Variants in TCF20 observed in about 807,000 individuals in gnomAD.
TCF20 encodes SPRE-binding protein.
In TCF20, 3 loss-of-function variants were observed where a neutral mutation model predicts 148.6. The ratio of observed to expected loss-of-function variants is 0.02; its 90% CI spans 0.01 to 0.05. TCF20 has a LOEUF of 0.05. TCF20 is among the 10% of genes least tolerant of loss of function. The probability of loss-of-function intolerance (pLI) is 1.00; values close to 1 mark genes in which losing one functional copy is unlikely to be tolerated. For synonymous variants in TCF20, 1,049 were observed against 909.5 expected, an observed-to-expected ratio of 1.15 and a Z score of -2.76; for missense variants, 2,350 against 2,429.3, an observed-to-expected ratio of 0.97 and a Z score of 0.69.
intron 1 of TCF20, among the ~76,000 whole-genome samples, chr22:42,218,204 G>A (rs762562874): frequency 1.5e-4 from 23 of 152,204 alleles, no homozygotes; most frequent in South Asian, 2.1e-4. Flanking sequence ...AAAGCTCCTA[G>A]GCAGCAGGGC....
At chr22:42,315,942 C>T (rs751703545) in intron 1 of TCF20, among the ~76,000 whole-genome samples, 1 of 151,732 alleles carries the variant, frequency 6.6e-6, no homozygotes, top group African/African-American at 2.4e-5. Flanking sequence ...GGTGAAATCC[C>T]GTCTCTATTA....
chr22:42,252,939 TAACA>T (rs944249727), intron 1 of TCF20, among the ~76,000 whole-genome samples: 4 of 152,080 alleles, frequency 2.6e-5, no homozygotes, highest in African/African-American at 9.6e-5. Context: ...GTCAAATGTT[TAACA>T]AAAATAAAAT....
rs1921072304 is a variant in TCF20 at position 42,212,441 on chromosome 22, G to A, written c.2865C>T (p.Ser955=). Residue 955 remains serine, a synonymous_variant, in exon 2 of 6, where the codon AGC becomes AGT. Coordinates refer to ENST00000677622, the MANE Select transcript of TCF20 (RefSeq NM_001378418.1). The stretch of plus-strand genomic sequence containing the variant: ...TGCCGCGGTAAGACTCATGCTTGAT[G>A]CTAGGAGGATGGCAGTGGTCTCCAG... ...KKSGDHCHPP[S]IKHESYRGNA... The A allele has an allele frequency of 2.5e-6, 4 of 1,614,248 alleles. No individual in the cohort carries two copies. The highest frequency in any genetic ancestry group is 3.4e-6 in the Non-Finnish European group (4 of 1,180,050).
At chr22:42,252,809 T>C (rs1239374260) in intron 1 of TCF20, among the ~76,000 whole-genome samples, 1 of 152,184 alleles carries the variant, frequency 6.6e-6, no homozygotes, top group Non-Finnish European at 1.5e-5. Context: ...TTTAAACGTA[T>C]ATAATTATCC....
chr22:42,290,626 AGAG>A lies in TCF20; in HGVS notation c.-37+52850_-37+52852del, dbSNP rs768781804. On this transcript the variant is annotated intron_variant, in intron 1 of 1. Coordinates refer to the TCF20 transcript ENST00000515426. The surrounding 1 kb of genome is among the most constrained non-coding windows in gnomAD (Gnocchi z 4.2). The stretch of plus-strand genomic sequence containing the variant: ...AGGCTTCTGGTTTCTGGAGGGTACC[AGAG>A]GAGAAGGAGCGCGTGCCCCTGAGCC... Among the ~76,000 whole-genome samples the A allele has an allele frequency of 1.3e-5, 2 of 152,136 alleles. No homozygotes were observed. Among genetic ancestry groups the A allele is most frequent in the Non-Finnish European group, 2.9e-5 (2 of 68,020 alleles).
intron 2 of TCF20, among the ~76,000 whole-genome samples, chr22:42,207,653 T>TA (rs1219390452): frequency 6.6e-6 from 1 of 152,068 alleles, no homozygotes; most frequent in African/African-American, 2.4e-5. Flanking sequence ...TCATGTCTTC[T>TA]AAAAATACAA....
intron 1 of TCF20, among the ~76,000 whole-genome samples, chr22:42,296,264 C>G (rs933472891): frequency 1.4e-4 from 22 of 152,370 alleles, no homozygotes; most frequent in Non-Finnish European, 2.8e-4. Context: ...TGACCCCCAG[C>G]ACAGGCCCTG....
chr22:42,211,489 C>T lies in TCF20; in HGVS notation c.3817G>A (p.Val1273Ile), dbSNP rs1178913371. ...PIPSKRQSQD[V>I]KNSSTEDKGR... Reference sequence around the variant, plus strand: ...TTATCTTCAGTGCTACTGTTCTTTACATCTTGTGACTGTCTCTTACTGGGA... The same window carrying T: ...TTATCTTCAGTGCTACTGTTCTTTATATCTTGTGACTGTCTCTTACTGGGA... The change falls in exon 2 of 6, where the codon GTA (valine) becomes ATA (isoleucine). Residue 1273 changes from valine to isoleucine, a missense_variant. Coordinates refer to ENST00000677622, the MANE Select transcript of TCF20 (RefSeq NM_001378418.1). 1 of 1,614,200 alleles carries T rather than the reference C, an allele frequency of 6.2e-7. No individual in the cohort carries two copies. The highest frequency in any genetic ancestry group is 1.7e-5 in the Admixed American group (1 of 60,024).
chr22:42,241,309 A>C (rs1276640212), intron 1 of TCF20, among the ~76,000 whole-genome samples: 1 of 152,230 alleles, frequency 6.6e-6, no homozygotes, highest in African/African-American at 2.4e-5. Flanking sequence ...ATGAGTAAGA[A>C]CCATGAGAGG....
intron 3 of TCF20, among the ~76,000 whole-genome samples, chr22:42,174,858 AC>A (rs1936347470): frequency 6.6e-6 from 1 of 152,020 alleles, no homozygotes; most frequent in South Asian, 2.1e-4. Flanking sequence ...ACACGGTGAA[AC>A]CCCGTCTCTA....
chr22:42,196,296 T>C (rs1937599119), intron 2 of TCF20, among the ~76,000 whole-genome samples: 1 of 152,208 alleles, frequency 6.6e-6, no homozygotes. Context: ...ACAGGTGAGC[T>C]GGTTTTAAAT....
intron 1 of TCF20, among the ~76,000 whole-genome samples, chr22:42,258,797 A>T (rs1925878216): frequency 6.6e-6 from 1 of 152,150 alleles, no homozygotes; most frequent in Admixed American, 6.5e-5. Context: ...AGGTGCATTA[A>T]ATATACCTTC....
At chr22:42,332,230 C>A (rs1222858712) in intron 1 of TCF20, among the ~76,000 whole-genome samples, 1 of 152,208 alleles carries the variant, frequency 6.6e-6, no homozygotes, top group Non-Finnish European at 1.5e-5. Context: ...CAGCTGGGCT[C>A]TGAGGGTATT....
intron 1 of TCF20, among the ~76,000 whole-genome samples, chr22:42,332,222 G>A (rs2147059104): frequency 6.6e-6 from 1 of 152,374 alleles, no homozygotes; most frequent in African/African-American, 2.4e-5. Flanking sequence ...TGATACTCCA[G>A]CTGGGCTCTG....
At chr22:42,197,099 A>G (rs1206195493) in intron 2 of TCF20, among the ~76,000 whole-genome samples, 1 of 152,188 alleles carries the variant, frequency 6.6e-6, no homozygotes. Flanking sequence ...ATTTCCACCA[A>G]TAAGTTTAGA....
At chr22:42,320,349 T>C (rs1396177740) in intron 1 of TCF20, among the ~76,000 whole-genome samples, 3 of 152,162 alleles carry the variant, frequency 2.0e-5, no homozygotes, top group Non-Finnish European at 4.4e-5. Context: ...CTGTGGACCT[T>C]AGGCACCACC....
rs372810448 is a variant in TCF20, at chr22:42,251,332, C to T, written c.-37+19007G>A. ...CTCCCAAGTAGCTGGACTATAGGTG[C>T]ACGCTAGCTTGCTAATTTTTGTATT... On this transcript the variant is annotated intron_variant, in intron 1 of 5. Coordinates refer to ENST00000677622, the MANE Select transcript of TCF20 (RefSeq NM_001378418.1). Among the ~76,000 whole-genome samples, 5 of 152,030 alleles carry T rather than the reference C, an allele frequency of 3.3e-5. No individual in the cohort carries two copies. In the East Asian group the frequency reaches 9.7e-4, roughly 29 times the overall value.
intron 3 of TCF20, among the ~76,000 whole-genome samples, chr22:42,173,938 T>C (rs974303865): frequency 2.0e-5 from 3 of 152,168 alleles, no homozygotes; most frequent in Admixed American, 2.0e-4. Context: ...ATAGAGATGC[T>C]ACCAGCTTAA....
At chr22:42,225,375 G>A (rs1225947934) in intron 1 of TCF20, among the ~76,000 whole-genome samples, 1 of 151,708 alleles carries the variant, frequency 6.6e-6, no homozygotes, top group African/African-American at 2.4e-5. Context: ...AGCACTTTGG[G>A]AGGCCGAGGC....
Sources: allele counts gnomAD v4.1 joint callset (sites outside exome capture counted in the v4.1 genomes callset), GRCh38; gene constraint gnomAD v4.1.1; non-coding constraint Gnocchi (gnomAD v3.1); transcripts MANE v1.5; gene names NCBI Gene and HGNC (gene_info 2026-07-23, HGNC 2026-07-21).